Variants in SH3BGR observed in about 807,000 individuals in gnomAD.
SH3BGR encodes the protein SH3 domain-binding glutamic acid-rich protein.
SH3BGR carries 29 observed loss-of-function variants against 24.5 expected under a neutral mutation model. The observed-to-expected ratio is 1.18, with a 90% CI of 0.88 to 1.61. The LOEUF is 1.61. SH3BGR is among the 40% of genes most tolerant of loss of function. The pLI, the probability that SH3BGR is intolerant of heterozygous loss-of-function variation, is 0.00. For synonymous variants in SH3BGR, 55 were observed against 65.7 expected (o/e 0.84, Z 0.79); for missense variants, 162 against 205.8 (o/e 0.79, Z 1.30).
chr21:39,456,479 T>C (rs2148449808), intron 1 of SH3BGR, among the ~76,000 whole-genome samples: 1 of 152,370 alleles, frequency 6.6e-6, no homozygotes, highest in Admixed American at 6.5e-5. Flanking sequence ...CAACAACCTG[T>C]CATCAGGTCT....
chr21:39,447,363 CATG>C (rs1448790740), upstream of SH3BGR, among the ~76,000 whole-genome samples: 1 of 149,756 alleles, frequency 6.7e-6, no homozygotes, highest in Non-Finnish European at 1.5e-5. Flanking sequence ...AGTCTGTAGA[CATG>C]ATAAGTCACT....
chr21:39,457,072 T>A (rs2077667631), intron 1 of SH3BGR, among the ~76,000 whole-genome samples: 1 of 148,180 alleles, frequency 6.7e-6, no homozygotes, highest in Non-Finnish European at 1.5e-5. Context: ...AATATAAAAT[T>A]TAAAAAAATT....
chr21:39,462,653 T>C, intron 2 of SH3BGR, 93 bp downstream of exon 2: 1 of 816,174 alleles, frequency 1.2e-6, no homozygotes, highest in Non-Finnish European at 1.8e-6. Flanking sequence ...TTTGAAATTA[T>C]TCACAACTGT....
At chr21:39,483,869 T>C (rs1191627739) in intron 3 of SH3BGR, among the ~76,000 whole-genome samples, 1 of 152,086 alleles carries the variant, frequency 6.6e-6, no homozygotes, top group African/African-American at 2.4e-5. Flanking sequence ...CCGAAAAGAG[T>C]TGATACCTCA....
At chr21:39,468,111 T>C (rs1382143305) in intron 2 of SH3BGR, among the ~76,000 whole-genome samples, 1 of 152,138 alleles carries the variant, frequency 6.6e-6, no homozygotes, top group African/African-American at 2.4e-5. Flanking sequence ...AAAGAAGACC[T>C]AGATCGTTCA....
At chr21:39,488,675 G>A (rs1249294010) in intron 3 of SH3BGR, 5 of 385,440 alleles carry the variant, frequency 1.3e-5, no homozygotes, top group Admixed American at 2.8e-5. Context: ...GCTGAAATCC[G>A]GCAAGTCCTT....
chr21:39,458,833 G>A (rs1011832920), intron 1 of SH3BGR, among the ~76,000 whole-genome samples: 3 of 151,828 alleles, frequency 2.0e-5, no homozygotes, highest in African/African-American at 7.3e-5. Context: ...TTTTAGTAGA[G>A]ACGAGGTTTT....
At chr21:39,480,906 T>C (rs2078119185) in intron 3 of SH3BGR, among the ~76,000 whole-genome samples, 1 of 152,216 alleles carries the variant, frequency 6.6e-6, no homozygotes, top group South Asian at 2.1e-4. Flanking sequence ...TATATGCTTC[T>C]CCAGAATGAA....
upstream of SH3BGR, among the ~76,000 whole-genome samples, chr21:39,450,653 T>TC (rs750272880): frequency 6.6e-6 from 1 of 152,128 alleles, no homozygotes; most frequent in Non-Finnish European, 1.5e-5. Flanking sequence ...AAGCTAAATA[T>TC]CCCCCAAGTG....
Position 39,499,803 on chromosome 21 carries a change from T to C in SH3BGR, c.313-20T>C, listed in dbSNP as rs764512061. 2 of 1,585,182 alleles carry C rather than the reference T, an allele frequency of 1.3e-6. No individual in the cohort carries two copies. The highest frequency in any genetic ancestry group is 2.2e-5 in the South Asian group (2 of 89,390). On this transcript the variant is annotated intron_variant, in intron 3 of 6. Coordinates refer to ENST00000333634, the MANE Select transcript of SH3BGR (RefSeq NM_007341.3). The stretch of plus-strand genomic sequence containing the variant: ...TTTTTCTGTTTTTGAGCTCATATCC[T>C]GGGTTTCCTTTATGACCAGGGATCA...
At chr21:39,485,756 CGGCTCACTGCAAGCTCCACCTCCA>C (rs1303904316) in intron 3 of SH3BGR, among the ~76,000 whole-genome samples, 2 of 149,066 alleles carry the variant, frequency 1.3e-5, no homozygotes, top group African/African-American at 5.0e-5. Flanking sequence ...GGTGCGATCT[CGGCTCACTGCAAGCTCCACCTCCA>C]GGGTTCACGC....
chr21:39,498,605 C>T (rs1308522576), intron 3 of SH3BGR, among the ~76,000 whole-genome samples: 8 of 152,174 alleles, frequency 5.3e-5, no homozygotes, highest in Admixed American at 3.3e-4. Flanking sequence ...TTACATAATG[C>T]GGGTGACAAA....
chr21:39,458,866 C>T (rs1196400367), intron 1 of SH3BGR, among the ~76,000 whole-genome samples: 2 of 152,100 alleles, frequency 1.3e-5, no homozygotes, highest in East Asian at 1.9e-4. Flanking sequence ...AGGCTGGTCT[C>T]GAACTCCTGG....
At chr21:39,473,577 G>A (rs1435499009) in intron 2 of SH3BGR, among the ~76,000 whole-genome samples, 1 of 152,118 alleles carries the variant, frequency 6.6e-6, no homozygotes, top group Non-Finnish European at 1.5e-5. Flanking sequence ...AAACAATAAA[G>A]CTTTGAATAA....
intron 2 of SH3BGR, 33 bp from the exon 3 acceptor site, chr21:39,475,102 G>A (rs760107131): frequency 2.2e-6 from 3 of 1,340,408 alleles, no homozygotes; most frequent in African/African-American, 1.4e-5. Context: ...CAAGTGTGCA[G>A]TAGTTTTAAA....
At chr21:39,504,203 C>T (rs1174704415) in intron 4 of SH3BGR, among the ~76,000 whole-genome samples, 2 of 152,154 alleles carry the variant, frequency 1.3e-5, no homozygotes, top group African/African-American at 4.8e-5. Flanking sequence ...GGTCTGTAAC[C>T]ACCCCTCTCT....
rs137910292 is a variant in SH3BGR, at chr21:39,499,883, G to A, written c.373G>A (p.Val125Met). ...TEAQKEGSED[V>M]GNLPEAQEKN... ...GGCACAAAAAGAGGGCAGTGAAGATGTGGGCAACCTCCCTGAAGCCCAGGA... is the reference window on the plus strand; with the variant it reads ...GGCACAAAAAGAGGGCAGTGAAGATATGGGCAACCTCCCTGAAGCCCAGGA... The change falls in exon 4 of 7, where the codon GTG (valine) becomes ATG (methionine). Residue 125 changes from valine to methionine, a missense_variant. Transcript: ENST00000333634. 1 of 1,613,830 alleles carries A rather than the reference G, an allele frequency of 6.2e-7. No individual in the cohort carries two copies. Among genetic ancestry groups the A allele is most frequent in the South Asian group, 1.1e-5 (1 of 91,054 alleles).
chr21:39,470,066 A>G (rs564934222), intron 2 of SH3BGR, among the ~76,000 whole-genome samples: 2 of 152,018 alleles, frequency 1.3e-5, no homozygotes, highest in Non-Finnish European at 2.9e-5. Context: ...ACTTTATTAT[A>G]TGCTTTTAAT....
intron 1 of SH3BGR, among the ~76,000 whole-genome samples, chr21:39,457,886 C>G (rs976029705): frequency 6.6e-6 from 1 of 151,966 alleles, no homozygotes; most frequent in African/African-American, 2.4e-5. Context: ...GATCGTGCCA[C>G]TGCGCTCCAG....
Sources: allele counts gnomAD v4.1 joint callset (sites outside exome capture counted in the v4.1 genomes callset), GRCh38; gene constraint gnomAD v4.1.1; transcripts MANE v1.5; gene names NCBI Gene and HGNC (gene_info 2026-07-23, HGNC 2026-07-21).